GPC6: variants seen among roughly 807,000 people sequenced by gnomAD.
GPC6 encodes glypican 6, also known as glypican-6.
Under a neutral mutation model 55.2 loss-of-function variants are expected in GPC6, and 14 were observed. The ratio of observed to expected loss-of-function variants is 0.25; its 90% CI spans 0.17 to 0.40. The LOEUF is 0.40. GPC6 is among the 10% of genes least tolerant of loss of function. The pLI is 1.00. For missense variants in GPC6, 641 were observed against 708.5 expected, an observed-to-expected ratio of 0.90 and a Z score of 1.08; for synonymous variants, 278 against 259.6, an observed-to-expected ratio of 1.07 and a Z score of -0.68.
chr13:93,972,737 A>G (rs1481733830), intron 3 of GPC6, among the ~76,000 whole-genome samples: 8 of 152,172 alleles, frequency 5.3e-5, no homozygotes, highest in Non-Finnish European at 7.3e-5. Flanking sequence ...TCTTGTGATG[A>G]GCCAAGAAAG....
chr13:93,425,114 ATATT>A (rs2139265277), intron 1 of GPC6, among the ~76,000 whole-genome samples: 1 of 152,330 alleles, frequency 6.6e-6, no homozygotes, highest in East Asian at 1.9e-4. Flanking sequence ...AAAAATTAAT[ATATT>A]TAATGCAATA....
At chr13:93,474,746 T>C (rs1210769268) in intron 1 of GPC6, among the ~76,000 whole-genome samples, 1 of 152,236 alleles carries the variant, frequency 6.6e-6, no homozygotes. Flanking sequence ...GTCCGGGTTT[T>C]GTGGCTGTCT....
intron 3 of GPC6, among the ~76,000 whole-genome samples, chr13:94,012,573 A>G (rs532795204): frequency 6.6e-6 from 1 of 152,172 alleles, no homozygotes; most frequent in Non-Finnish European, 1.5e-5. Flanking sequence ...TTGTACATCC[A>G]GAATTACCAA....
chr13:93,390,355 A>G (rs1348739739), intron 1 of GPC6, among the ~76,000 whole-genome samples: 1 of 152,086 alleles, frequency 6.6e-6, no homozygotes, highest in African/African-American at 2.4e-5. Context: ...CTGTGTTTCT[A>G]CTGCTGGTGA....
At chr13:93,609,279 A>G (rs1566447805) in intron 2 of GPC6, among the ~76,000 whole-genome samples, 1 of 152,160 alleles carries the variant, frequency 6.6e-6, no homozygotes, top group African/African-American at 2.4e-5. Context: ...CAATGGTGCA[A>G]TCTCAGCTCA....
At chr13:94,237,849 A>G (rs1370704716) in intron 4 of GPC6, among the ~76,000 whole-genome samples, 1 of 152,204 alleles carries the variant, frequency 6.6e-6, no homozygotes, top group African/African-American at 2.4e-5. Flanking sequence ...TTACATTTCT[A>G]AAATAGCAGT....
At chr13:94,127,069 A>G (rs567475593) in intron 4 of GPC6, among the ~76,000 whole-genome samples, 1 of 152,210 alleles carries the variant, frequency 6.6e-6, no homozygotes, top group South Asian at 2.1e-4. Context: ...CCTACTCTAA[A>G]TCTGGGCCTA....
At chr13:94,313,451 A>G (rs1461735788) in intron 6 of GPC6, among the ~76,000 whole-genome samples, 1 of 152,190 alleles carries the variant, frequency 6.6e-6, no homozygotes, top group Non-Finnish European at 1.5e-5. Context: ...ATGTGTAAGA[A>G]TAGTGAAAAT....
intron 4 of GPC6, among the ~76,000 whole-genome samples, chr13:94,101,948 T>C (rs1226936990): frequency 1.3e-5 from 2 of 152,124 alleles, no homozygotes; most frequent in Non-Finnish European, 2.9e-5. Context: ...AAACACTGAT[T>C]TAAAAAAATG....
chr13:93,258,615 G>A (rs1010948880), intron 1 of GPC6, among the ~76,000 whole-genome samples: 1 of 152,016 alleles, frequency 6.6e-6, no homozygotes, highest in African/African-American at 2.4e-5. Flanking sequence ...GGGATGTGAG[G>A]GGCAGAAGAC....
intron 5 of GPC6, among the ~76,000 whole-genome samples, chr13:94,288,948 T>C (rs1874781208): frequency 5.8e-5 from 1 of 17,260 alleles, no homozygotes; most frequent in Non-Finnish European, 1.2e-4. Flanking sequence ...GATAGATAGA[T>C]AGATATATAG....
chr13:93,670,278 T>C (rs1310534859), intron 2 of GPC6, among the ~76,000 whole-genome samples: 1 of 152,188 alleles, frequency 6.6e-6, no homozygotes, highest in Non-Finnish European at 1.5e-5. Context: ...AGGCATGGGA[T>C]TCACTATTCT....
chr13:93,524,526 A>G (rs1881572780), intron 1 of GPC6, among the ~76,000 whole-genome samples: 1 of 152,038 alleles, frequency 6.6e-6, no homozygotes, highest in Admixed American at 6.6e-5. Context: ...GAAAGTTTAC[A>G]TTGGTCCACC....
At chr13:94,100,571 G>A (rs12429417) in intron 4 of GPC6, among the ~76,000 whole-genome samples, 52,015 of 151,928 alleles carry the variant, frequency 0.34, 9,451 homozygotes, top group Middle Eastern at 0.44. Flanking sequence ...CTGTGGTTTC[G>A]CCTTTGGAGT....
intron 6 of GPC6, among the ~76,000 whole-genome samples, chr13:94,360,013 GT>G (rs1203926053): frequency 6.6e-6 from 1 of 152,204 alleles, no homozygotes; most frequent in Non-Finnish European, 1.5e-5. Flanking sequence ...CTAATGCAAT[GT>G]TGTTAGATAC....
At chr13:94,097,506 CAAAAAAAAAA>C (rs869307863) in intron 4 of GPC6, among the ~76,000 whole-genome samples, 1 of 70,258 alleles carries the variant, frequency 1.4e-5, no homozygotes, top group Admixed American at 1.7e-4. Context: ...GACTCTGTCT[CAAAAAAAAAA>C]AAAAAAAAAA....
At chr13:94,383,403 G>A (rs1468345486) in intron 7 of GPC6, among the ~76,000 whole-genome samples, 2 of 152,142 alleles carry the variant, frequency 1.3e-5, no homozygotes, top group African/African-American at 4.8e-5. Context: ...GCAGTTTCAA[G>A]CATATGAAGC....
In GPC6 at chr13:93,352,788, G is replaced by A. The variant is rs139227658; in HGVS notation, c.160+125172G>A. Among the ~76,000 whole-genome samples the A allele has an allele frequency of 1.3e-3, 196 of 152,180 alleles. 1 individual carries two copies. Among genetic ancestry groups the A allele is most frequent in the Middle Eastern group, 3.4e-3 (1 of 294 alleles). On this transcript the variant is annotated intron_variant, in intron 1 of 8. Coordinates refer to ENST00000377047, the MANE Select transcript of GPC6 (RefSeq NM_005708.5). ...GCAAATCTCACGGTGTCTGAGCAGG[G>A]GAGGGTCTTAATCAGATTTACACTG... is the stretch of plus-strand genomic sequence containing the variant.
chr13:93,620,314 A>C (rs1221738522), intron 2 of GPC6, among the ~76,000 whole-genome samples: 1 of 152,220 alleles, frequency 6.6e-6, no homozygotes, highest in Non-Finnish European at 1.5e-5. Context: ...GCTCATAATT[A>C]ACTGAAAATA....
Sources: gnomAD v4.1 joint callset for allele counts (sites outside exome capture counted in the v4.1 genomes callset) on GRCh38, gnomAD v4.1.1 for gene constraint, MANE v1.5 for transcripts, NCBI Gene and HGNC (gene_info 2026-07-23, HGNC 2026-07-21) for gene names.